The following TTC27 variants were observed in gnomAD, a reference collection of about 807,000 sequenced individuals.
TTC27 encodes tetratricopeptide repeat protein 27.
A neutral mutation model predicts 115.9 loss-of-function variants in TTC27; 79 were observed. The ratio of observed to expected loss-of-function variants is 0.68; its 90% CI spans 0.57 to 0.82. The LOEUF is 0.82. TTC27 is among the 40% of genes least tolerant of loss of function. The probability of loss-of-function intolerance (pLI) is 0.00; values close to 1 mark genes in which losing one functional copy is unlikely to be tolerated. For missense variants in TTC27, 1,054 were observed against 993.1 expected, an observed-to-expected ratio of 1.06 and a Z score of -0.82; for synonymous variants, 401 against 356.0, an observed-to-expected ratio of 1.13 and a Z score of -1.42.
chr2:32,666,283 C>A (rs1382601256), intron 6 of TTC27, among the ~76,000 whole-genome samples: 1 of 151,626 alleles, frequency 6.6e-6, no homozygotes, highest in Non-Finnish European at 1.5e-5. Context: ...TGACTGTATT[C>A]TTTAGAACTT....
At chr2:32,647,396 C>T (rs1664904862) in intron 4 of TTC27, among the ~76,000 whole-genome samples, 1 of 152,112 alleles carries the variant, frequency 6.6e-6, no homozygotes, top group Non-Finnish European at 1.5e-5. Flanking sequence ...TGACTTCATG[C>T]TATAGTGATA....
At chr2:32,724,501 A>T (rs747311556) in intron 10 of TTC27, among the ~76,000 whole-genome samples, 3 of 151,988 alleles carry the variant, frequency 2.0e-5, no homozygotes, top group Non-Finnish European at 4.4e-5. Flanking sequence ...TTTTTTTTTA[A>T]GACAGTTGTG....
At chr2:32,642,247 A>AT (rs10634857) in intron 4 of TTC27, among the ~76,000 whole-genome samples, 11,782 of 102,150 alleles carry the variant, frequency 0.12, 1,297 homozygotes, top group South Asian at 0.33. Context: ...TATACACTAA[A>AT]TTTTTTTTTT....
intron 16 of TTC27, among the ~76,000 whole-genome samples, chr2:32,788,429 A>G (rs1231112085): frequency 6.6e-6 from 1 of 152,134 alleles, no homozygotes; most frequent in Non-Finnish European, 1.5e-5. Context: ...CTGATAAGCT[A>G]GACAGGGGAC....
chr2:32,809,041 T>A (rs1341705646), intron 16 of TTC27, among the ~76,000 whole-genome samples: 5 of 152,198 alleles, frequency 3.3e-5, no homozygotes, highest in Non-Finnish European at 2.9e-5. Flanking sequence ...CAGACAGAGA[T>A]GATGTACCTT....
intron 13 of TTC27, among the ~76,000 whole-genome samples, chr2:32,771,085 G>C (rs975054660): frequency 6.6e-6 from 1 of 152,138 alleles, no homozygotes; most frequent in Non-Finnish European, 1.5e-5. Flanking sequence ...TGGGGAGGCC[G>C]AAAGCTTTGC....
intron 12 of TTC27, among the ~76,000 whole-genome samples, chr2:32,744,876 C>T (rs1419896434): frequency 6.6e-6 from 1 of 151,784 alleles, no homozygotes; most frequent in Non-Finnish European, 1.5e-5. Flanking sequence ...GGTGAAACCC[C>T]ATCTCTACTA....
At chr2:32,747,658 G>A (rs1451584511) in intron 12 of TTC27, among the ~76,000 whole-genome samples, 1 of 152,024 alleles carries the variant, frequency 6.6e-6, no homozygotes, top group Non-Finnish European at 1.5e-5. Flanking sequence ...CAGAATACTA[G>A]GTATTAAACT....
intron 19 of TTC27, among the ~76,000 whole-genome samples, chr2:32,819,591 A>C (rs1198609357): frequency 6.6e-6 from 1 of 152,198 alleles, no homozygotes; most frequent in East Asian, 1.9e-4. Context: ...AATGAATCTC[A>C]GGTCTTTTCT....
chr2:32,794,218 G>A (rs1670628614), intron 16 of TTC27, among the ~76,000 whole-genome samples: 1 of 152,168 alleles, frequency 6.6e-6, no homozygotes, highest in Non-Finnish European at 1.5e-5. Context: ...TTAAGTCTCA[G>A]TAGATTCAAA....
chr2:32,816,542 A>C (rs1366337020), intron 18 of TTC27, among the ~76,000 whole-genome samples: 1 of 152,208 alleles, frequency 6.6e-6, no homozygotes, highest in Non-Finnish European at 1.5e-5. Flanking sequence ...AAGCATTAAT[A>C]GCCAGGCCTT....
chr2:32,701,418 A>G (rs1162016959), intron 9 of TTC27, among the ~76,000 whole-genome samples: 1 of 152,222 alleles, frequency 6.6e-6, no homozygotes, highest in Non-Finnish European at 1.5e-5. Context: ...AAATGTTATA[A>G]AATAATATAA....
At chr2:32,740,489 T>G (rs1262823810) in intron 12 of TTC27, among the ~76,000 whole-genome samples, 2 of 151,278 alleles carry the variant, frequency 1.3e-5, no homozygotes, top group African/African-American at 4.9e-5. Flanking sequence ...CTTTATACAG[T>G]TTAAAAGATT....
intron 10 of TTC27, among the ~76,000 whole-genome samples, chr2:32,728,222 T>TA (rs1668175608): frequency 6.6e-6 from 1 of 151,932 alleles, no homozygotes; most frequent in Admixed American, 6.6e-5. Flanking sequence ...TTTGTATTTT[T>TA]AGTAGAGACA....
intron 4 of TTC27, among the ~76,000 whole-genome samples, chr2:32,647,682 G>C (rs1158800084): frequency 6.6e-6 from 1 of 152,236 alleles, no homozygotes; most frequent in Non-Finnish European, 1.5e-5. Flanking sequence ...AAGCAAAAAA[G>C]TTCTTTGGAG....
chr2:32,813,710 A>C (rs908806986), intron 18 of TTC27, among the ~76,000 whole-genome samples: 1 of 152,198 alleles, frequency 6.6e-6, no homozygotes, highest in African/African-American at 2.4e-5. Context: ...GCTTATAAAG[A>C]AGTCACAGAA....
chr2:32,676,766 C>T (rs755841376), intron 8 of TTC27, among the ~76,000 whole-genome samples: 20 of 151,940 alleles, frequency 1.3e-4, no homozygotes, highest in South Asian at 1.0e-3. Flanking sequence ...TGGCATTATA[C>T]GCATTAGCCA....
At chr2:32,653,132 A>T (rs961471130) in intron 5 of TTC27, among the ~76,000 whole-genome samples, 1 of 152,186 alleles carries the variant, frequency 6.6e-6, no homozygotes, top group Non-Finnish European at 1.5e-5. Context: ...AGTGCTGAAA[A>T]CATGTTATGT....
Position 32,628,075 on chromosome 2 carries a change from G to A in TTC27, c.-218G>A, listed in dbSNP as rs771096865. 5 of 545,254 alleles carry A rather than the reference G, an allele frequency of 9.2e-6. No homozygotes were observed. Among genetic ancestry groups the A allele is most frequent in the Non-Finnish European group, 1.6e-5 (5 of 307,444 alleles). The allele number at this position is 545,254 out of a possible 1,614,324, so 33.8% of individuals were successfully genotyped here. ...CTTCTCCTAGGCGGAAGCCAGACCA[G>A]AGAGCGTGCGTGTTTTTCCCAGGGT... On this transcript the variant is annotated 5_prime_UTR_variant, in exon 1 of 20. Transcript: ENST00000317907.
Sources: allele counts gnomAD v4.1 joint callset (sites outside exome capture counted in the v4.1 genomes callset), GRCh38; gene constraint gnomAD v4.1.1; transcripts MANE v1.5; gene names NCBI Gene and HGNC (gene_info 2026-07-23, HGNC 2026-07-21).